PIP5K1B: variants seen among roughly 807,000 people sequenced by gnomAD.
PIP5K1B encodes phosphatidylinositol 4-phosphate 5-kinase type-1 beta.
Under a neutral mutation model 67.0 loss-of-function variants are expected in PIP5K1B, and 42 were observed. That is an observed-to-expected ratio of 0.63 (90% CI 0.49 to 0.81). The LOEUF (loss-of-function observed/expected upper bound fraction) is 0.81. Ranked by LOEUF, PIP5K1B falls within the 30% of genes least tolerant of loss-of-function variation. The probability of loss-of-function intolerance (pLI) is 0.00; values close to 1 mark genes in which losing one functional copy is unlikely to be tolerated. For missense variants in PIP5K1B, 459 were observed against 646.3 expected, an observed-to-expected ratio of 0.71 and a Z score of 3.14; for synonymous variants, 214 against 231.4, an observed-to-expected ratio of 0.92 and a Z score of 0.68.
At chr9:68,883,925 A>T (rs1824326928) in intron 6 of PIP5K1B, among the ~76,000 whole-genome samples, 1 of 152,182 alleles carries the variant, frequency 6.6e-6, no homozygotes, top group South Asian at 2.1e-4. Context: ...TTAAGAAATG[A>T]TGTTGGGAAA....
intron 6 of PIP5K1B, among the ~76,000 whole-genome samples, chr9:68,878,653 A>T (rs1824020564): frequency 6.6e-6 from 1 of 152,242 alleles, no homozygotes; most frequent in South Asian, 2.1e-4. Context: ...ACTGCAAGTC[A>T]TGACACACAA....
At chr9:68,843,013 A>G (rs1821997081) in intron 4 of PIP5K1B, among the ~76,000 whole-genome samples, 1 of 152,222 alleles carries the variant, frequency 6.6e-6, no homozygotes, top group South Asian at 2.1e-4. Flanking sequence ...GACCAGAGTT[A>G]AAAACCAGCT....
chr9:68,754,784 A>G (rs1829839724), intron 2 of PIP5K1B, among the ~76,000 whole-genome samples: 1 of 152,210 alleles, frequency 6.6e-6, no homozygotes, highest in Non-Finnish European at 1.5e-5. Flanking sequence ...CAGAGGTTAT[A>G]TGAGGCATCT....
intron 2 of PIP5K1B, chr9:68,780,005 C>T: frequency 3.1e-6 from 3 of 955,004 alleles, no homozygotes; most frequent in Non-Finnish European, 2.9e-6. Flanking sequence ...GCCGCGAGTA[C>T]GGACATCGCG....
intron 2 of PIP5K1B, among the ~76,000 whole-genome samples, chr9:68,797,173 G>C (rs1832338712): frequency 6.6e-6 from 1 of 152,128 alleles, no homozygotes; most frequent in African/African-American, 2.4e-5. Flanking sequence ...CTCTTGGCGT[G>C]GTACACACAT....
At chr9:68,719,633 A>C (rs1166919721) in intron 1 of PIP5K1B, among the ~76,000 whole-genome samples, 3 of 152,212 alleles carry the variant, frequency 2.0e-5, no homozygotes, top group Non-Finnish European at 4.4e-5. Flanking sequence ...GATTATGGAA[A>C]CTGAAACAAA....
chr9:68,991,167 T>C lies in PIP5K1B; in HGVS notation c.1530T>C (p.Phe510=). Residue 510 remains phenylalanine (F), a synonymous_variant, in exon 15 of 16, where the codon TTT becomes TTC. Transcript: ENST00000265382. ...AAGGGTTACCTTCCAGTTCAACATT[T>C]ACCTTGGAAGAGGGGACCATCTACT... ...NSKGLPSSST[F]TLEEGTIYLT... is the part of the protein sequence containing the mutation. 1 of 1,608,504 alleles carries C rather than the reference T, an allele frequency of 6.2e-7. No homozygotes were observed. Among genetic ancestry groups the C allele is most frequent in the South Asian group, 1.1e-5 (1 of 90,984 alleles).
At chr9:68,774,410 T>C (rs999213930) in intron 2 of PIP5K1B, among the ~76,000 whole-genome samples, 6 of 152,218 alleles carry the variant, frequency 3.9e-5, no homozygotes, top group African/African-American at 1.4e-4. Context: ...CCAGTTTAGA[T>C]TTCTGGTTAG....
At chr9:68,878,013 CTGTGTGTGTG>C (rs35871698) in intron 6 of PIP5K1B, among the ~76,000 whole-genome samples, 95 of 142,094 alleles carry the variant, frequency 6.7e-4, no homozygotes, top group Admixed American at 2.2e-3. Flanking sequence ...CGCATTTGTT[CTGTGTGTGTG>C]TGTGTGTGTG....
intron 2 of PIP5K1B, among the ~76,000 whole-genome samples, chr9:68,809,188 G>A (rs1052839049): frequency 2.6e-5 from 4 of 152,108 alleles, no homozygotes; most frequent in Non-Finnish European, 5.9e-5. Flanking sequence ...TGGAAACTAT[G>A]TTAAGGATTG....
intron 14 of PIP5K1B, among the ~76,000 whole-genome samples, chr9:68,983,544 G>A (rs1829978688): frequency 6.6e-6 from 1 of 151,704 alleles, no homozygotes; most frequent in Admixed American, 6.6e-5. Flanking sequence ...TTAATACTAT[G>A]TAAGTTCCAT....
At chr9:68,786,684 C>T (rs1484889423) in intron 2 of PIP5K1B, among the ~76,000 whole-genome samples, 1 of 151,774 alleles carries the variant, frequency 6.6e-6, no homozygotes, top group African/African-American at 2.4e-5. Context: ...ATCATGGTTC[C>T]ACAGCTTTAT....
chr9:68,714,783 G>A (rs1827553675), intron 1 of PIP5K1B, among the ~76,000 whole-genome samples: 1 of 152,174 alleles, frequency 6.6e-6, no homozygotes, highest in Admixed American at 6.5e-5. Context: ...TACTTTTAAA[G>A]GAACAGGATG....
chr9:68,753,956 G>A (rs1158867105), intron 2 of PIP5K1B, among the ~76,000 whole-genome samples: 3 of 152,116 alleles, frequency 2.0e-5, no homozygotes, highest in African/African-American at 7.2e-5. Context: ...TACCATGCCC[G>A]GCCCTTCTTG....
At chr9:68,732,930 C>T (rs371908039) in intron 1 of PIP5K1B, among the ~76,000 whole-genome samples, 1,446 of 134,702 alleles carry the variant, frequency 0.011, 32 homozygotes, top group African/African-American at 0.038. Context: ...GGGGGGGCGG[C>T]GCGGTGGGAG....
chr9:68,722,513 C>G (rs1033804489), intron 1 of PIP5K1B, among the ~76,000 whole-genome samples: 2 of 152,102 alleles, frequency 1.3e-5, no homozygotes, highest in African/African-American at 4.8e-5. Flanking sequence ...CCGCACCCGG[C>G]CCTTAACAGC....
At chr9:68,747,210 G>T (rs1205016838) in intron 2 of PIP5K1B, among the ~76,000 whole-genome samples, 1 of 149,640 alleles carries the variant, frequency 6.7e-6, no homozygotes, top group Non-Finnish European at 1.5e-5. Context: ...AACAACTTGG[G>T]TGTACTTGCT....
chr9:68,719,228 AG>A (rs1347840168), intron 1 of PIP5K1B, among the ~76,000 whole-genome samples: 1 of 152,290 alleles, frequency 6.6e-6, no homozygotes, highest in Middle Eastern at 3.4e-3. Flanking sequence ...TATGGTCTAA[AG>A]CAGGATTTCA....
At chr9:68,774,524 A>G (rs1024941285) in intron 2 of PIP5K1B, among the ~76,000 whole-genome samples, 1 of 152,212 alleles carries the variant, frequency 6.6e-6, no homozygotes, top group Admixed American at 6.5e-5. Flanking sequence ...TATCAACAAC[A>G]TTTTAAGATC....
Sources: allele counts gnomAD v4.1 joint callset (sites outside exome capture counted in the v4.1 genomes callset), GRCh38; gene constraint gnomAD v4.1.1; transcripts MANE v1.5; gene names NCBI Gene and HGNC (gene_info 2026-07-23, HGNC 2026-07-21).